Variants in PIP4K2B observed in about 807,000 individuals in gnomAD.
PIP4K2B encodes phosphatidylinositol 5-phosphate 4-kinase type-2 beta.
In PIP4K2B, 3 loss-of-function variants were observed where a neutral mutation model predicts 42.0. The ratio of observed to expected loss-of-function variants is 0.07; its 90% CI spans 0.03 to 0.18. The LOEUF (loss-of-function observed/expected upper bound fraction) is 0.18, where lower values mean the gene tolerates loss of function less well. PIP4K2B is among the 10% of genes least tolerant of loss of function. The pLI is 1.00. For synonymous variants in PIP4K2B, 204 were observed against 210.1 expected (o/e 0.97, Z 0.25); for missense variants, 332 against 562.3 (o/e 0.59, Z 4.14).
At chr17:38,770,864 G>C (rs1908985312) in intron 8 of PIP4K2B, 150 bp downstream of exon 8, 2 of 843,368 alleles carry the variant, frequency 2.4e-6, no homozygotes, top group South Asian at 3.5e-5. Context: ...TTCAGGTGGT[G>C]ACCCTGGATG....
In PIP4K2B at chr17:38,779,376, C is replaced by T. The variant is rs1285843131; in HGVS notation, c.654+7G>A. 6.2e-7 allele frequency: 1 copy of T among 1,604,740 alleles called. No homozygotes were observed. The highest frequency in any genetic ancestry group is 8.5e-7 in the Non-Finnish European group (1 of 1,173,548). Reference sequence around the variant, plus strand: ...GGCACAGCTCCGGCAAACACAGAGCCCTTTACCTTGAGGTCATACTTGCGA... The same window carrying T: ...GGCACAGCTCCGGCAAACACAGAGCTCTTTACCTTGAGGTCATACTTGCGA... On this transcript the variant is annotated splice_region_variant and intron_variant, in intron 5 of 9. Coordinates refer to ENST00000619039, the MANE Select transcript of PIP4K2B (RefSeq NM_003559.5).
rs558588945 is a variant in PIP4K2B at position 38,799,455 on chromosome 17, G to A, written c.-31C>T. 165 of 1,536,826 alleles carry A rather than the reference G, an allele frequency of 1.1e-4. No homozygotes were observed. Among genetic ancestry groups the A allele is most frequent in the Non-Finnish European group, 1.3e-4 (152 of 1,149,980 alleles). On this transcript the variant is annotated 5_prime_UTR_variant, in exon 1 of 10. Coordinates refer to ENST00000619039, the MANE Select transcript of PIP4K2B (RefSeq NM_003559.5). This position sits in a 1 kb window ranked among gnomAD's most constrained non-coding sequence, Gnocchi z 4.4. ...GGGCGGCGGCGGCGGCGGCGAAAGA[G>A]GGGGGCGGCGGAGACAGCGCACAAG...
intron 1 of PIP4K2B, among the ~76,000 whole-genome samples, chr17:38,788,178 AT>A (rs1281544702): frequency 5.1e-5 from 1 of 19,656 alleles, no homozygotes; most frequent in Non-Finnish European, 1.2e-4. Flanking sequence ...AATAGATTAA[AT>A]TTATTTATTT....
At chr17:38,772,446 C>T (rs544030830) in intron 7 of PIP4K2B, among the ~76,000 whole-genome samples, 78 of 152,252 alleles carry the variant, frequency 5.1e-4, no homozygotes, top group Non-Finnish European at 7.1e-4. Context: ...AGTAGCTGTC[C>T]GTAGCTGTCT....
chr17:38,770,217 G>A (rs1007137886), intron 9 of PIP4K2B, among the ~76,000 whole-genome samples: 1 of 152,220 alleles, frequency 6.6e-6, no homozygotes, highest in Admixed American at 6.5e-5. Context: ...AGAACTGGGG[G>A]ATAAACAAAT....
chr17:38,770,582 G>C, intron 8 of PIP4K2B, 43 bp from the exon 9 acceptor site: 1 of 1,085,998 alleles, frequency 9.2e-7, no homozygotes, highest in Non-Finnish European at 1.4e-6. Context: ...GAGGGGGCAG[G>C]AGAAGGGCAG....
At chr17:38,795,753 GAA>G (rs1163279684) in intron 1 of PIP4K2B, among the ~76,000 whole-genome samples, 2 of 112,024 alleles carry the variant, frequency 1.8e-5, no homozygotes, top group African/African-American at 3.2e-5. Flanking sequence ...TCTGTCTCAA[GAA>G]AAAAAAAAAA....
intron 7 of PIP4K2B, among the ~76,000 whole-genome samples, chr17:38,775,379 A>G (rs747495962): frequency 3.3e-5 from 5 of 152,084 alleles, no homozygotes; most frequent in Non-Finnish European, 7.4e-5. Flanking sequence ...AGCCTCCTGA[A>G]TAGCTAGGAC....
intron 7 of PIP4K2B, among the ~76,000 whole-genome samples, chr17:38,777,107 C>T (rs1909399691): frequency 1.3e-5 from 2 of 152,156 alleles, no homozygotes; most frequent in Admixed American, 6.6e-5. Flanking sequence ...CTCTGTTGCC[C>T]AGGCTGGAGT....
chr17:38,783,015 G>A (rs956403879), intron 3 of PIP4K2B, among the ~76,000 whole-genome samples: 9 of 151,320 alleles, frequency 5.9e-5, no homozygotes, highest in African/African-American at 1.5e-4. Context: ...GTGAAACCCC[G>A]TCTCTACTAA....
At position 38,799,404 on chromosome 17, in the gene PIP4K2B, G is replaced by A. The variant is rs764483600; in HGVS notation, c.21C>T (p.Ser7=). 4 of 1,602,526 alleles carry A rather than the reference G, an allele frequency of 2.5e-6. No homozygotes were observed. The highest frequency in any genetic ancestry group is 1.1e-5 in the South Asian group (1 of 90,398). MSSNCT[S]TTAVAVAPLS... ...GCGGCGCCACCGCCACCGCCGTGGT[G>A]CTGGTGCAGTTGGACGACATGCCCG... The change falls in exon 1 of 10, where the codon AGC becomes AGT. Residue 7 remains serine, a synonymous_variant. Coordinates refer to ENST00000619039, the MANE Select transcript of PIP4K2B (RefSeq NM_003559.5). The surrounding 1 kb of genome is among the most constrained non-coding windows in gnomAD (Gnocchi z 4.4).
chr17:38,775,086 A>G (rs1399749039), intron 7 of PIP4K2B, among the ~76,000 whole-genome samples: 1 of 151,710 alleles, frequency 6.6e-6, no homozygotes, highest in African/African-American at 2.4e-5. Flanking sequence ...AGTAGCTGGG[A>G]CTACAGGCGC....
chr17:38,789,425 G>C (rs1910223842), intron 1 of PIP4K2B, among the ~76,000 whole-genome samples: 1 of 152,168 alleles, frequency 6.6e-6, no homozygotes, highest in African/African-American at 2.4e-5. Flanking sequence ...AATGCATTCA[G>C]GATTTACAGA....
rs79842890 is a variant in PIP4K2B at position 38,797,654 on chromosome 17, A to C, written c.159+1612T>G. Among the ~76,000 whole-genome samples the C allele has an allele frequency of 7.9e-5, 12 of 152,322 alleles. No homozygotes were observed. The East Asian group carries it at 2.3e-3, about 29-fold the overall frequency. On this transcript the variant is annotated intron_variant, in intron 1 of 9. Transcript: ENST00000619039. ...TACTCCTGACTCTCAGGCCTCTACCAGTTCTCTACAGACAGGTTGCTTTCT... is the reference window on the plus strand; with the variant it reads ...TACTCCTGACTCTCAGGCCTCTACCCGTTCTCTACAGACAGGTTGCTTTCT...
In PIP4K2B at chr17:38,769,600, C is replaced by T. The variant is rs1003100282; in HGVS notation, c.*91G>A. The T allele has an allele frequency of 1.7e-5, 14 of 813,670 alleles. No homozygotes were observed. In the South Asian group the frequency reaches 1.7e-4, roughly 10 times the overall value. The allele number at this position is 813,670 out of a possible 1,614,324, so 50.4% of individuals were successfully genotyped here. A position where few individuals can be genotyped will look rare whatever the true frequency, so the allele number is the denominator to read the frequency against. ...TCCCAAACCCGACTCTGCTCCCACC[C>T]TCCCATCTAGCCCAAATACACCCTT... On this transcript the variant is annotated 3_prime_UTR_variant, in exon 10 of 10. Transcript: ENST00000619039.
At position 38,780,445 on chromosome 17, in the gene PIP4K2B, A is replaced by G; in HGVS notation, c.507+7T>C. On this transcript the variant is annotated splice_region_variant and intron_variant, in intron 4 of 9. Coordinates refer to ENST00000619039, the MANE Select transcript of PIP4K2B (RefSeq NM_003559.5). ...CCTCTGCAGCCCAGGCTTGGGACTC[A>G]CCATACCTGGTGGTATTTCTTTAAG... 2 of 1,608,088 alleles carry G rather than the reference A, an allele frequency of 1.2e-6. No individual in the cohort carries two copies. The highest frequency in any genetic ancestry group is 1.7e-6 in the Non-Finnish European group (2 of 1,175,388).
At position 38,780,467 on chromosome 17, in the gene PIP4K2B, T is replaced by TA. The variant is rs1254377704; in HGVS notation, c.491dup (p.Leu164PhefsTer53). 6.2e-7 allele frequency: 1 copy of TA among 1,612,114 alleles called. No homozygotes were observed. The highest frequency in any genetic ancestry group is 8.5e-7 in the Non-Finnish European group (1 of 1,178,482). ...CTCACCATACCTGGTGGTATTTCTTTAAGATGTTGTGCATCTCCGCCACGT... is the reference window on the plus strand; with the variant it reads ...CTCACCATACCTGGTGGTATTTCTTTAAAGATGTTGTGCATCTCCGCCACGT... On this transcript the variant is annotated frameshift_variant, in exon 4 of 10. Transcript: ENST00000619039. LOFTEE classifies it high-confidence loss of function.
chr17:38,799,161 G>T lies in PIP4K2B; in HGVS notation c.159+105C>A. The T allele has an allele frequency of 8.1e-7, 1 of 1,231,290 alleles. No individual in the cohort carries two copies. The highest frequency in any genetic ancestry group is 1.1e-6 in the Non-Finnish European group (1 of 925,350). 76.3% of individuals were successfully genotyped at this position (1,231,290 alleles called of 1,614,324 possible). A position where few individuals can be genotyped will look rare whatever the true frequency, so the allele number is the denominator to read the frequency against. On this transcript the variant is annotated intron_variant, in intron 1 of 9. Coordinates refer to ENST00000619039, the MANE Select transcript of PIP4K2B (RefSeq NM_003559.5). The surrounding 1 kb of genome is among the most constrained non-coding windows in gnomAD (Gnocchi z 4.4). ...TGGGCGTGCAAGTGGCTTGGCGAGG[G>T]GTGGCAGGCGTCACCGGCAGGGCCT... is the stretch of plus-strand genomic sequence containing the variant.
rs1408227104 is a variant in PIP4K2B, at chr17:38,794,871, G to A, written c.159+4395C>T. The stretch of plus-strand genomic sequence containing the variant: ...TCCCACCACTTTGGGAGGCCGAGGC[G>A]GGGGGATTGCTTGAGGCCAGGAGTT... On this transcript the variant is annotated intron_variant, in intron 1 of 9. Transcript: ENST00000619039. 4.6e-5 allele frequency among the ~76,000 whole-genome samples: 7 copies of A among 151,632 alleles called. 1 individual carries two copies. Among genetic ancestry groups the A allele is most frequent in the South Asian group, 4.1e-4 (2 of 4,822 alleles).
Sources: gnomAD v4.1 joint callset for allele counts (sites outside exome capture counted in the v4.1 genomes callset) on GRCh38, gnomAD v4.1.1 for gene constraint, Gnocchi (gnomAD v3.1) non-coding constraint, MANE v1.5 for transcripts, NCBI Gene and HGNC (gene_info 2026-07-23, HGNC 2026-07-21) for gene names.